Variants in ZFHX3 observed in about 807,000 individuals in gnomAD.
The protein encoded by ZFHX3 is zinc finger homeobox protein 3.
A neutral mutation model predicts 279.1 loss-of-function variants in ZFHX3; 42 were observed. The ratio of observed to expected loss-of-function variants is 0.15; its 90% CI spans 0.12 to 0.19. ZFHX3 has a LOEUF of 0.19. Ranked by LOEUF, ZFHX3 falls within the 10% of genes least tolerant of loss-of-function variation. The pLI, the probability that ZFHX3 is intolerant of heterozygous loss-of-function variation, is 1.00. For synonymous variants in ZFHX3, 2,293 were observed against 1,957.8 expected, an observed-to-expected ratio of 1.17 and a Z score of -4.52; for missense variants, 4,981 against 4,754.0, an observed-to-expected ratio of 1.05 and a Z score of -1.40.
At chr16:73,231,409 A>G (rs2012767862) in intron 5 of ZFHX3, among the ~76,000 whole-genome samples, 1 of 152,230 alleles carries the variant, frequency 6.6e-6, no homozygotes, top group African/African-American at 2.4e-5. Context: ...ATGTAGGGCA[A>G]GTGAGGGAAA....
chr16:72,840,978 G>T (rs1223322443), intron 4 of ZFHX3, among the ~76,000 whole-genome samples: 1 of 152,198 alleles, frequency 6.6e-6, no homozygotes, highest in African/African-American at 2.4e-5. Flanking sequence ...CCCTTGGCCA[G>T]ACCCAAGCAT....
intron 2 of ZFHX3, among the ~76,000 whole-genome samples, chr16:73,590,187 G>A (rs563014095): frequency 1.3e-5 from 2 of 152,196 alleles, no homozygotes; most frequent in African/African-American, 4.8e-5. Context: ...GGGAGTATCT[G>A]TGTGAACTCA....
At chr16:73,547,214 A>G (rs561000255) in intron 2 of ZFHX3, among the ~76,000 whole-genome samples, 98 of 152,222 alleles carry the variant, frequency 6.4e-4, no homozygotes, top group African/African-American at 2.3e-3. Context: ...CACATCGGCT[A>G]TGGTACTATT....
At chr16:73,528,778 G>A (rs1009786843) in intron 2 of ZFHX3, among the ~76,000 whole-genome samples, 14 of 152,188 alleles carry the variant, frequency 9.2e-5, no homozygotes, top group African/African-American at 2.9e-4. Flanking sequence ...GTATCAGGAT[G>A]GAGTTATGGT....
intron 9 of ZFHX3, among the ~76,000 whole-genome samples, chr16:72,792,407 A>G (rs1273835270): frequency 6.6e-6 from 1 of 152,214 alleles, no homozygotes; most frequent in Admixed American, 6.5e-5. Flanking sequence ...TGTTCTGGCT[A>G]GAAGAGAACC....
chr16:73,128,416 C>T (rs543161685), intron 7 of ZFHX3, among the ~76,000 whole-genome samples: 30 of 152,316 alleles, frequency 2.0e-4, no homozygotes, highest in Admixed American at 1.7e-3. Context: ...CTTAATTTTA[C>T]AATCATGAAA....
In ZFHX3 at chr16:73,372,210, G is replaced by A. The variant is rs570473112; in HGVS notation, c.-1290-53874C>T. ...TAAAGTCCAGAAGTCCCTGTAGTCC[G>A]CCTACCAGTACTTTTGTGAAGATTT... On this transcript the variant is annotated intron_variant, in intron 3 of 17. Coordinates refer to the ZFHX3 transcript ENST00000641206. Among the ~76,000 whole-genome samples the A allele has an allele frequency of 3.4e-4, 52 of 152,176 alleles. No individual in the cohort carries two copies. In the South Asian group the frequency reaches 3.9e-3, roughly 12 times the overall value.
intron 1 of ZFHX3, among the ~76,000 whole-genome samples, chr16:72,990,441 C>G (rs1597062222): frequency 6.6e-6 from 1 of 152,104 alleles, no homozygotes; most frequent in African/African-American, 2.4e-5. Flanking sequence ...CTGATCTTGC[C>G]CTGATTTGAA....
At chr16:73,087,531 G>A (rs538826115) in intron 8 of ZFHX3, among the ~76,000 whole-genome samples, 1 of 152,298 alleles carries the variant, frequency 6.6e-6, no homozygotes, top group South Asian at 2.1e-4. Flanking sequence ...ATATCACAGG[G>A]AAGCTGCTGG....
intron 4 of ZFHX3, among the ~76,000 whole-genome samples, chr16:72,881,069 C>G (rs1023538873): frequency 6.6e-6 from 1 of 152,156 alleles, no homozygotes; most frequent in Non-Finnish European, 1.5e-5. Flanking sequence ...GAAAATGTAG[C>G]CCCAAACCTA....
At chr16:72,878,379 C>G (rs1319821587) in intron 4 of ZFHX3, among the ~76,000 whole-genome samples, 1 of 152,202 alleles carries the variant, frequency 6.6e-6, no homozygotes, top group Non-Finnish European at 1.5e-5. Context: ...CTAGAAGCCA[C>G]TCCAGTGAGG....
chr16:73,743,700 G>C (rs1026008857), intron 1 of ZFHX3, among the ~76,000 whole-genome samples: 1 of 152,100 alleles, frequency 6.6e-6, no homozygotes, highest in Non-Finnish European at 1.5e-5. Context: ...TTTGTTATCA[G>C]AATGACTATA....
Position 73,338,731 on chromosome 16 carries a change from T to C in ZFHX3, c.-1290-20395A>G, listed in dbSNP as rs146100268. On this transcript the variant is annotated intron_variant, in intron 3 of 17. Coordinates refer to the ZFHX3 transcript ENST00000641206. ...TGCCAGATTATCTTTCTGGGTGATATAGTTTGGATGTGTGTCCCTGCTCAA... is the reference window on the plus strand; with the variant it reads ...TGCCAGATTATCTTTCTGGGTGATACAGTTTGGATGTGTGTCCCTGCTCAA... 6.9e-3 allele frequency among the ~76,000 whole-genome samples: 1,052 copies of C among 152,258 alleles called. 8 individuals are homozygous for C. The highest frequency in any genetic ancestry group is 0.024 in the African/African-American group (979 of 41,540).
At chr16:73,668,462 C>A (rs13332846) in intron 2 of ZFHX3, among the ~76,000 whole-genome samples, 8,417 of 152,156 alleles carry the variant, frequency 0.055, 803 homozygotes, top group African/African-American at 0.19. Flanking sequence ...CCTAGCCCCC[C>A]ACCCACTGAC....
At chr16:73,614,080 T>C (rs532854056) in intron 2 of ZFHX3, among the ~76,000 whole-genome samples, 1 of 152,224 alleles carries the variant, frequency 6.6e-6, no homozygotes, top group African/African-American at 2.4e-5. Flanking sequence ...GGTAATATCC[T>C]TGGTGATATC....
intron 4 of ZFHX3, among the ~76,000 whole-genome samples, chr16:72,864,853 G>A (rs184951928): frequency 2.1e-3 from 319 of 152,272 alleles, no homozygotes; most frequent in Non-Finnish European, 3.7e-3. Flanking sequence ...GATGCCTAGC[G>A]CAATCTAATG....
chr16:72,931,780 G>A (rs907805758), intron 3 of ZFHX3, among the ~76,000 whole-genome samples: 3 of 152,086 alleles, frequency 2.0e-5, no homozygotes, highest in African/African-American at 7.2e-5. Context: ...TCCGAGCCAC[G>A]GACACTGTGG....
At chr16:72,913,156 T>C (rs1453560727) in intron 3 of ZFHX3, among the ~76,000 whole-genome samples, 1 of 152,222 alleles carries the variant, frequency 6.6e-6, no homozygotes, top group African/African-American at 2.4e-5. Context: ...CACAGCTGCC[T>C]CTAATGTCAA....
Position 72,926,767 on chromosome 16 carries a change from C to T in ZFHX3, c.3216+23702G>A, listed in dbSNP as rs552889399. Among the ~76,000 whole-genome samples the T allele has an allele frequency of 3.9e-5, 6 of 152,312 alleles. No homozygotes were observed. The East Asian group carries it at 7.7e-4, about 20-fold the overall frequency. On this transcript the variant is annotated intron_variant, in intron 3 of 9. Transcript: ENST00000268489. The stretch of plus-strand genomic sequence containing the variant: ...GGGCGATTACATGCTCCTGCCTCTC[C>T]TACACAAAGCAGAGACCAATGTTTC...
Sources: gnomAD v4.1 joint callset for allele counts (sites outside exome capture counted in the v4.1 genomes callset) on GRCh38, gnomAD v4.1.1 for gene constraint, MANE v1.5 for transcripts, NCBI Gene and HGNC (gene_info 2026-07-23, HGNC 2026-07-21) for gene names.